The following CENPP variants were observed in gnomAD, a reference collection of about 807,000 sequenced individuals.
CENPP encodes centromere protein P.
Under a neutral mutation model 35.6 loss-of-function variants are expected in CENPP, and 24 were observed. The observed-to-expected ratio is 0.67, with a 90% confidence interval of 0.49 to 0.95. The LOEUF is 0.95. CENPP is among the 40% of genes least tolerant of loss of function. The pLI is 0.00. For synonymous variants in CENPP, 120 were observed against 125.5 expected (o/e 0.96, Z 0.29); for missense variants, 332 against 345.3 (o/e 0.96, Z 0.31).
At chr9:92,363,816 C>T (rs538334860) in intron 4 of CENPP, among the ~76,000 whole-genome samples, 9 of 151,994 alleles carry the variant, frequency 5.9e-5, no homozygotes, top group Admixed American at 4.6e-4. Flanking sequence ...CAAAGTTATT[C>T]ATTTGCTCAA....
At chr9:92,557,810 T>C (rs1043127847) in intron 5 of CENPP, among the ~76,000 whole-genome samples, 4 of 151,966 alleles carry the variant, frequency 2.6e-5, no homozygotes, top group Non-Finnish European at 4.4e-5. Context: ...GCCCGACTAA[T>C]TTTTGTATTT....
intron 5 of CENPP, chr9:92,417,129 G>A: frequency 6.2e-7 from 1 of 1,613,820 alleles, no homozygotes; most frequent in African/African-American, 1.3e-5. Context: ...TGAAGTTGTA[G>A]TAGATTTGGA....
At chr9:92,341,932 AAT>A (rs1221155725) in intron 3 of CENPP, among the ~76,000 whole-genome samples, 1 of 152,252 alleles carries the variant, frequency 6.6e-6, no homozygotes, top group Non-Finnish European at 1.5e-5. Context: ...ATGCTGAATG[AAT>A]TAGAGTCAGT....
chr9:92,559,332 C>T (rs1331074918), intron 5 of CENPP, among the ~76,000 whole-genome samples: 1 of 152,178 alleles, frequency 6.6e-6, no homozygotes, highest in Non-Finnish European at 1.5e-5. Flanking sequence ...TCACTGGGCT[C>T]TCTAACTTGA....
At chr9:92,533,189 A>T (rs1163628569) in intron 5 of CENPP, among the ~76,000 whole-genome samples, 2 of 148,758 alleles carry the variant, frequency 1.3e-5, no homozygotes, top group East Asian at 2.0e-4. Flanking sequence ...AGTCCCAGAT[A>T]CTCAGGAAGC....
chr9:92,337,700 C>A, intron 3 of CENPP, 71 bp downstream of exon 3: 1 of 962,420 alleles, frequency 1.0e-6, no homozygotes, highest in Non-Finnish European at 1.7e-6. Flanking sequence ...ACACCCCAGC[C>A]TTCAACAGTG....
intron 5 of CENPP, among the ~76,000 whole-genome samples, chr9:92,603,852 T>A (rs1208654291): frequency 6.6e-6 from 1 of 152,148 alleles, no homozygotes; most frequent in African/African-American, 2.4e-5. Context: ...AGTGTGATCC[T>A]TTCCAAATGA....
At chr9:92,328,220 T>C (rs1435434662) in intron 1 of CENPP, among the ~76,000 whole-genome samples, 1 of 152,192 alleles carries the variant, frequency 6.6e-6, no homozygotes, top group South Asian at 2.1e-4. Context: ...GTGGGAGACA[T>C]TAAATGTCAG....
At chr9:92,600,808 C>T (rs1178693576) in intron 5 of CENPP, among the ~76,000 whole-genome samples, 2 of 152,236 alleles carry the variant, frequency 1.3e-5, no homozygotes, top group Non-Finnish European at 2.9e-5. Flanking sequence ...TGTGGACAAG[C>T]AATCCTTCTA....
chr9:92,367,366 C>T (rs555839203), intron 4 of CENPP, among the ~76,000 whole-genome samples: 4 of 151,938 alleles, frequency 2.6e-5, no homozygotes, highest in African/African-American at 7.3e-5. Context: ...AGGGTTTTGC[C>T]ATGTTGGGCA....
At chr9:92,539,034 G>A (rs1409924924) in intron 5 of CENPP, 5 of 151,996 alleles carry the variant, frequency 3.3e-5, no homozygotes, top group Non-Finnish European at 7.4e-5. Flanking sequence ...TTTAAGTAGG[G>A]CCATACTCAG....
chr9:92,548,451 A>C (rs1312645252), intron 5 of CENPP, among the ~76,000 whole-genome samples: 2 of 152,236 alleles, frequency 1.3e-5, no homozygotes, highest in African/African-American at 4.8e-5. Flanking sequence ...CCAGGATATT[A>C]AAGATTTTAT....
intron 4 of CENPP, among the ~76,000 whole-genome samples, chr9:92,349,146 C>T (rs921545806): frequency 1.3e-5 from 2 of 152,056 alleles, no homozygotes; most frequent in African/African-American, 4.8e-5. Context: ...TCTTTCATGC[C>T]TTTTTTCCTT....
chr9:92,436,568 T>A (rs1405379669), intron 5 of CENPP, among the ~76,000 whole-genome samples: 1 of 152,218 alleles, frequency 6.6e-6, no homozygotes, highest in African/African-American at 2.4e-5. Context: ...TCGAGTTAAT[T>A]TTTATATAGG....
At chr9:92,370,175 T>A (rs1365913630) in intron 4 of CENPP, among the ~76,000 whole-genome samples, 1 of 152,204 alleles carries the variant, frequency 6.6e-6, no homozygotes, top group East Asian at 1.9e-4. Flanking sequence ...CATCTGATCA[T>A]GGTATATTAT....
intron 5 of CENPP, chr9:92,414,461 GT>G: frequency 4.8e-6 from 1 of 209,172 alleles, no homozygotes; most frequent in Non-Finnish European, 9.7e-6. Context: ...ATAGTTTGGT[GT>G]TTTTTAGTTG....
chr9:92,506,968 C>T (rs536628922), intron 5 of CENPP, among the ~76,000 whole-genome samples: 19 of 151,992 alleles, frequency 1.3e-4, no homozygotes, highest in African/African-American at 3.6e-4. Flanking sequence ...AGTGCAATAG[C>T]GTGGTCTTGG....
chr9:92,396,111 T>A (rs1444660213), intron 5 of CENPP, among the ~76,000 whole-genome samples: 1 of 152,180 alleles, frequency 6.6e-6, no homozygotes. Flanking sequence ...CACCGTTTTT[T>A]AAAAGGATTA....
chr9:92,533,986 T>C (rs535151173), intron 5 of CENPP, among the ~76,000 whole-genome samples: 1 of 152,320 alleles, frequency 6.6e-6, no homozygotes, highest in African/African-American at 2.4e-5. Flanking sequence ...GAATGGAATG[T>C]ACCTTGGTAT....
Sources: gnomAD v4.1 joint callset for allele counts (sites outside exome capture counted in the v4.1 genomes callset) on GRCh38, gnomAD v4.1.1 for gene constraint, MANE v1.5 for transcripts, NCBI Gene and HGNC (gene_info 2026-07-23, HGNC 2026-07-21) for gene names.